Variants in TSTD2 observed in about 807,000 individuals in gnomAD.
TSTD2 encodes the protein thiosulfate sulfurtransferase/rhodanese-like domain-containing protein 2.
In TSTD2, 37 loss-of-function variants were observed where a neutral mutation model predicts 47.9. The ratio of observed to expected loss-of-function variants is 0.77; its 90% CI spans 0.59 to 1.02. The LOEUF (loss-of-function observed/expected upper bound fraction) is 1.02, where lower values mean the gene tolerates loss of function less well. Among genes scored for constraint, TSTD2 ranks in the 50% least tolerant of loss-of-function variants. TSTD2 has a pLI of 0.00. For missense variants in TSTD2, 586 were observed against 616.0 expected (o/e 0.95, Z 0.52); for synonymous variants, 201 against 215.9 (o/e 0.93, Z 0.61).
rs201508639 is a variant in TSTD2, at chr9:97,602,746, C to A, written c.1274G>T (p.Arg425Leu). The change falls in exon 10 of 10, where the codon CGC (arginine) becomes CTC (leucine). Residue 425 changes from arginine to leucine, a missense_variant. Coordinates refer to ENST00000341170, the MANE Select transcript of TSTD2 (RefSeq NM_139246.5). The stretch of plus-strand genomic sequence containing the variant: ...AGAGCAGAGTTTATACTGGTCCCAG[C>A]GGGCTCCACAGTATGAACACTCTGG... The part of the protein sequence containing the change: ...VVSECSYCGA[R>L]WDQYKLCSTP... 1.2e-6 allele frequency: 2 copies of A among 1,612,754 alleles called. No homozygotes were observed. Among genetic ancestry groups the A allele is most frequent in the Non-Finnish European group, 1.7e-6 (2 of 1,179,200 alleles).
At chr9:97,624,756 TAA>T (rs1191788768) in intron 3 of TSTD2, among the ~76,000 whole-genome samples, 1 of 152,038 alleles carries the variant, frequency 6.6e-6, no homozygotes, top group Non-Finnish European at 1.5e-5. Context: ...AAAAAAAGGT[TAA>T]ATCAAAGAAA....
rs1199471140 is a variant in TSTD2, at chr9:97,625,954, C to CT, written c.208dup (p.Arg70LysfsTer4). ...CAATTTTTCTTTACATTCAAAACTC[C>CT]TTTTTGTTGGAACTTCTTTGGTTTT... On this transcript the variant is annotated frameshift_variant, in exon 3 of 10. Transcript: ENST00000341170. LOFTEE classifies it high-confidence loss of function. The CT allele has an allele frequency of 6.2e-7, 1 of 1,613,202 alleles. No individual in the cohort carries two copies. The highest frequency in any genetic ancestry group is 1.3e-5 in the African/African-American group (1 of 74,926).
chr9:97,613,621 C>A lies in TSTD2; in HGVS notation c.604-1922G>T, dbSNP rs747108529. On this transcript the variant is annotated intron_variant, in intron 4 of 9. Coordinates refer to ENST00000341170, the MANE Select transcript of TSTD2 (RefSeq NM_139246.5). ...TGGATCATCTTTAAAGGGAACTGAG[C>A]TCTCTAAAGAAAAGTGCTAGCAAGG... Among the ~76,000 whole-genome samples, 14 of 152,156 alleles carry A rather than the reference C, an allele frequency of 9.2e-5. No homozygotes were observed. In the South Asian group the frequency reaches 1.0e-3, roughly 11 times the overall value.
At chr9:97,608,555 G>A (rs1826404657) in intron 6 of TSTD2, among the ~76,000 whole-genome samples, 1 of 152,110 alleles carries the variant, frequency 6.6e-6, no homozygotes, top group Non-Finnish European at 1.5e-5. Flanking sequence ...AGAATCGCTT[G>A]AACCCCGGGG....
intron 3 of TSTD2, among the ~76,000 whole-genome samples, chr9:97,621,956 G>C (rs1300742552): frequency 2.0e-5 from 3 of 152,046 alleles, no homozygotes; most frequent in African/African-American, 7.2e-5. Context: ...CTGGTTTTGT[G>C]GCTCAGGTGG....
intron 2 of TSTD2, among the ~76,000 whole-genome samples, chr9:97,626,810 C>G (rs1324182048): frequency 6.6e-6 from 1 of 152,104 alleles, no homozygotes; most frequent in Non-Finnish European, 1.5e-5. Flanking sequence ...ATACTCTAAC[C>G]AGAAAAGCAT....
intron 1 of TSTD2, among the ~76,000 whole-genome samples, chr9:97,631,241 C>T (rs1026539060): frequency 1.3e-5 from 2 of 152,002 alleles, no homozygotes; most frequent in Non-Finnish European, 1.5e-5. Flanking sequence ...CTCAGCCTCC[C>T]GAGTAGCTGG....
chr9:97,606,293 C>CAGGG (rs776608410), intron 6 of TSTD2, 32 bp from the exon 7 acceptor site: 1 of 1,442,654 alleles, frequency 6.9e-7, no homozygotes, highest in African/African-American at 1.4e-5. Flanking sequence ...TATATTAAAA[C>CAGGG]AAAGACAAAA....
rs775507154 is a variant in TSTD2, at chr9:97,617,843, A to G, written c.517T>C (p.Tyr173His). 1 of 1,614,058 alleles carries G rather than the reference A, an allele frequency of 6.2e-7. No individual in the cohort carries two copies. The highest frequency in any genetic ancestry group is 8.5e-7 in the Non-Finnish European group (1 of 1,179,978). ...TCCTCCAGGTCATGGTAGCAGTAAT[A>G]AAGGAGCACCTCCCCTTCTTCACTG... ...QGSEEGEVLL[Y>H]YCYHDLEDPQ... Residue 173 changes from tyrosine to histidine, a missense_variant, in exon 4 of 10, where the codon TAT (tyrosine) becomes CAT (histidine). Coordinates refer to ENST00000341170, the MANE Select transcript of TSTD2 (RefSeq NM_139246.5).
At position 97,606,281 on chromosome 9, in the gene TSTD2, A is replaced by T. The variant is rs763491366; in HGVS notation, c.836-20T>A. Reference sequence around the variant, plus strand: ...GGATTCCTAAAACCAAACCAAAAAAATTATATTAAAACAAAGACAAAAAAA... The same window carrying T: ...GGATTCCTAAAACCAAACCAAAAAATTTATATTAAAACAAAGACAAAAAAA... On this transcript the variant is annotated intron_variant, in intron 6 of 9. Coordinates refer to ENST00000341170, the MANE Select transcript of TSTD2 (RefSeq NM_139246.5). The T allele has an allele frequency of 6.8e-7, 1 of 1,479,462 alleles. No individual in the cohort carries two copies. Among genetic ancestry groups the T allele is most frequent in the Admixed American group, 2.0e-5 (1 of 49,328 alleles). 91.6% of individuals were successfully genotyped at this position (1,479,462 alleles called of 1,614,324 possible). A position where few individuals can be genotyped will look rare whatever the true frequency, so the allele number is the denominator to read the frequency against.
At chr9:97,616,209 G>A (rs975130622) in intron 4 of TSTD2, among the ~76,000 whole-genome samples, 2 of 152,114 alleles carry the variant, frequency 1.3e-5, no homozygotes, top group African/African-American at 4.8e-5. Flanking sequence ...AACTCGGTGG[G>A]TTCCAAAAAA....
chr9:97,601,121 C>T lies in TSTD2; in HGVS notation c.*1348G>A. On this transcript the variant is annotated 3_prime_UTR_variant, in exon 10 of 10. Coordinates refer to ENST00000341170, the MANE Select transcript of TSTD2 (RefSeq NM_139246.5). ...CGCTATGGAAGAGTGTCCACTGAGG[C>T]TGCACATGGCCCAGGAGTGGCACCA... 1 of 1,304,314 alleles carries T rather than the reference C, an allele frequency of 7.7e-7. No individual in the cohort carries two copies. Among genetic ancestry groups the T allele is most frequent in the Non-Finnish European group, 1.0e-6 (1 of 988,958 alleles). The allele number at this position is 1,304,314 out of a possible 1,614,324, so 80.8% of individuals were successfully genotyped here. A position where few individuals can be genotyped will look rare whatever the true frequency, so the allele number is the denominator to read the frequency against.
Position 97,610,756 on chromosome 9 carries a change from T to C in TSTD2, c.730-305A>G, listed in dbSNP as rs979867935. Reference sequence around the variant, plus strand: ...ATACCCGGTTTTCATTCTTTTCCTATCATTGCCAGCATGAACGCTAGCAAG... The same window carrying C: ...ATACCCGGTTTTCATTCTTTTCCTACCATTGCCAGCATGAACGCTAGCAAG... On this transcript the variant is annotated intron_variant, in intron 5 of 9. Transcript: ENST00000341170. 5.7e-5 allele frequency: 11 copies of C among 191,506 alleles called. No homozygotes were observed. The East Asian group carries it at 1.1e-3, about 19-fold the overall frequency. 11.9% of individuals were successfully genotyped at this position (191,506 alleles called of 1,614,324 possible).
Position 97,616,268 on chromosome 9 carries a change from C to T in TSTD2, c.603+1489G>A, listed in dbSNP as rs188817115. Among the ~76,000 whole-genome samples the T allele has an allele frequency of 1.2e-4, 18 of 152,044 alleles. No individual in the cohort carries two copies. The East Asian group carries it at 2.9e-3, about 24-fold the overall frequency. On this transcript the variant is annotated intron_variant, in intron 4 of 9. Coordinates refer to ENST00000341170, the MANE Select transcript of TSTD2 (RefSeq NM_139246.5). ...ATAATGAGCAAAGAACAGTATCAGACGAGAGGAAAAGGTAAGAAGGGGCCA... is the reference window on the plus strand; with the variant it reads ...ATAATGAGCAAAGAACAGTATCAGATGAGAGGAAAAGGTAAGAAGGGGCCA...
At position 97,610,404 on chromosome 9, in the gene TSTD2, T is replaced by C. The variant is rs1292864153; in HGVS notation, c.777A>G (p.Val259=). The part of the protein sequence containing the change: ...AHCFPELRVG[V]FEEIVPMGIS... ...TCCCCATGGGCACGATTTCTTCAAATACACCAACACGCAATTCTGGAAAAC... is the reference window on the plus strand; with the variant it reads ...TCCCCATGGGCACGATTTCTTCAAACACACCAACACGCAATTCTGGAAAAC... The change falls in exon 6 of 10, where the codon GTA becomes GTG. Residue 259 remains valine, a synonymous_variant. Transcript: ENST00000341170. 6.3e-7 allele frequency: 1 copy of C among 1,598,696 alleles called. No individual in the cohort carries two copies. The highest frequency in any genetic ancestry group is 1.3e-5 in the African/African-American group (1 of 74,196).
chr9:97,628,569 T>TC (rs1470236520), intron 1 of TSTD2, among the ~76,000 whole-genome samples: 1 of 152,232 alleles, frequency 6.6e-6, no homozygotes, highest in Non-Finnish European at 1.5e-5. Flanking sequence ...TTGAATGCTG[T>TC]ATTTTAAATT....
intron 1 of TSTD2, among the ~76,000 whole-genome samples, chr9:97,631,220 G>A: frequency 6.6e-6 from 1 of 152,006 alleles, no homozygotes; most frequent in East Asian, 1.9e-4. Flanking sequence ...AGGTTCAAGC[G>A]ATTCTCCTGC....
chr9:97,624,785 A>G (rs1564010390), intron 3 of TSTD2, among the ~76,000 whole-genome samples: 2 of 152,184 alleles, frequency 1.3e-5, no homozygotes, highest in African/African-American at 2.4e-5. Context: ...ATGCTTTAAA[A>G]TGTAAGCTAC....
chr9:97,602,390 C>A lies in TSTD2; in HGVS notation c.*79G>T, dbSNP rs1458952106. On this transcript the variant is annotated 3_prime_UTR_variant, in exon 10 of 10. Transcript: ENST00000341170. ...GAAGTTCCCGATTTCTCTGTTTCTG[C>A]AGTCTTGCCATGCTTTCTCTGTATA... is the stretch of plus-strand genomic sequence containing the variant. The A allele has an allele frequency of 1.2e-5, 17 of 1,450,808 alleles. No homozygotes were observed. The East Asian group carries it at 4.2e-4, about 35-fold the overall frequency. The allele number at this position is 1,450,808 out of a possible 1,614,324, so 89.9% of individuals were successfully genotyped here. A position where few individuals can be genotyped will look rare whatever the true frequency, so the allele number is the denominator to read the frequency against.
Sources: allele counts gnomAD v4.1 joint callset (sites outside exome capture counted in the v4.1 genomes callset), GRCh38; gene constraint gnomAD v4.1.1; transcripts MANE v1.5; gene names NCBI Gene and HGNC (gene_info 2026-07-23, HGNC 2026-07-21).